The following CLTB variants were observed in gnomAD, a reference collection of about 807,000 sequenced individuals.
CLTB encodes clathrin light chain B.
Under a neutral mutation model 30.5 loss-of-function variants are expected in CLTB, and 10 were observed. The observed-to-expected ratio is 0.33, with a 90% CI of 0.20 to 0.56. CLTB has a LOEUF of 0.56. Among genes scored for constraint, CLTB ranks in the 20% least tolerant of loss-of-function variants. The probability of loss-of-function intolerance (pLI) is 0.91; values close to 1 mark genes in which losing one functional copy is unlikely to be tolerated. For synonymous variants in CLTB, 102 were observed against 120.3 expected (o/e 0.85, Z 1.00); for missense variants, 261 against 308.3 (o/e 0.85, Z 1.15).
At chr5:176,395,654 G>C (rs1416383910) in intron 5 of CLTB, among the ~76,000 whole-genome samples, 1 of 152,156 alleles carries the variant, frequency 6.6e-6, no homozygotes, top group East Asian at 1.9e-4. Flanking sequence ...CCCTGGTCTT[G>C]ATTACTCATC....
intron 2 of CLTB, among the ~76,000 whole-genome samples, chr5:176,404,691 G>A (rs558490177): frequency 3.3e-5 from 5 of 152,342 alleles, no homozygotes; most frequent in African/African-American, 9.6e-5. Context: ...GCCCACTGAT[G>A]CACTCTAGTG....
chr5:176,400,706 T>A (rs1043200829), intron 2 of CLTB, among the ~76,000 whole-genome samples: 4 of 152,042 alleles, frequency 2.6e-5, no homozygotes, highest in African/African-American at 9.7e-5. Flanking sequence ...CTCCCCTCCC[T>A]CCTCCTTCAA....
At chr5:176,399,589 G>T (rs561487908) in intron 2 of CLTB, among the ~76,000 whole-genome samples, 3 of 151,748 alleles carry the variant, frequency 2.0e-5, no homozygotes, top group Non-Finnish European at 4.4e-5. Context: ...TTTCAAAAAA[G>T]TTTTTTTAAT....
At chr5:176,405,743 G>A (rs1757081821) in intron 2 of CLTB, 1 of 152,050 alleles carries the variant, frequency 6.6e-6, no homozygotes, top group Admixed American at 6.6e-5. Flanking sequence ...AGAGGGGCTG[G>A]GCTTTACATC....
At chr5:176,411,987 T>C (rs369789381) in intron 1 of CLTB, among the ~76,000 whole-genome samples, 3 of 151,980 alleles carry the variant, frequency 2.0e-5, no homozygotes, top group Middle Eastern at 3.4e-3. Flanking sequence ...CCATCCTGGC[T>C]AACACGGTGA....
chr5:176,405,360 C>G (rs964751153), intron 2 of CLTB, among the ~76,000 whole-genome samples: 2 of 151,602 alleles, frequency 1.3e-5, no homozygotes, highest in African/African-American at 2.4e-5. Flanking sequence ...CATGGTGGCC[C>G]TCCCTGTAGT....
At chr5:176,406,807 G>A (rs1757145410) in intron 2 of CLTB, 1 of 941,230 alleles carries the variant, frequency 1.1e-6, no homozygotes, top group Non-Finnish European at 1.4e-6. Flanking sequence ...CCCTGCAGGT[G>A]CAGGCCAGAC....
chr5:176,395,484 T>G (rs1276605908), intron 5 of CLTB, among the ~76,000 whole-genome samples: 1 of 152,142 alleles, frequency 6.6e-6, no homozygotes, highest in Admixed American at 6.5e-5. Flanking sequence ...CTGTGCCCTG[T>G]GAGAGGAGGC....
At position 176,404,606 on chromosome 5, in the gene CLTB, G is replaced by A. The variant is rs72807219; in HGVS notation, c.234+5651C>T. The stretch of plus-strand genomic sequence containing the variant: ...CTTAAGGAAACTCAGCCCCCACGGT[G>A]TCCTGCCCCAGTCCCAAGGTGCCAA... On this transcript the variant is annotated intron_variant, in intron 2 of 5. Transcript: ENST00000310418. Among the ~76,000 whole-genome samples, 577 of 152,296 alleles carry A rather than the reference G, an allele frequency of 3.8e-3. 6 individuals carry two copies. The highest frequency in any genetic ancestry group is 5.2e-3 in the Non-Finnish European group (356 of 68,020).
intron 2 of CLTB, chr5:176,406,615 T>A: frequency 7.8e-7 from 1 of 1,289,422 alleles, no homozygotes; most frequent in Middle Eastern, 2.1e-4. Flanking sequence ...TGCCCCTGGC[T>A]GTGCCAAATG....
chr5:176,396,569 G>C, intron 4 of CLTB, 37 bp from the exon 5 acceptor site: 1 of 1,525,986 alleles, frequency 6.6e-7, no homozygotes, highest in Non-Finnish European at 9.1e-7. Flanking sequence ...TTAGGTGGGG[G>C]AAGGCAGATG....
intron 2 of CLTB, chr5:176,401,660 G>T: frequency 2.2e-6 from 1 of 449,846 alleles, no homozygotes; most frequent in South Asian, 1.6e-5. Context: ...GCTGCCTCCT[G>T]CAATCGTCAC....
intron 1 of CLTB, among the ~76,000 whole-genome samples, chr5:176,414,810 A>T (rs1420464910): frequency 6.6e-6 from 1 of 152,142 alleles, no homozygotes; most frequent in Non-Finnish European, 1.5e-5. Flanking sequence ...TACATTTCTC[A>T]TATCAAGGAG....
Position 176,394,715 on chromosome 5 carries a change from C to T in CLTB, c.518+1764G>A, listed in dbSNP as rs537098452. Among the ~76,000 whole-genome samples, 179 of 151,842 alleles carry T rather than the reference C, an allele frequency of 1.2e-3. 1 individual carries two copies. The highest frequency in any genetic ancestry group is 6.8e-3 in the Middle Eastern group (2 of 294). On this transcript the variant is annotated intron_variant, in intron 5 of 5. Transcript: ENST00000310418. ...CTGTAGTCCCAGCTACTCAGGAGGC[C>T]GAGGCAGAAGAATTGCTTGAGCCCA... is the stretch of plus-strand genomic sequence containing the variant.
rs2113616894 is a variant in CLTB, at chr5:176,393,221, C to G, written c.519-276G>C. 6.6e-6 allele frequency among the ~76,000 whole-genome samples: 1 copy of G among 152,284 alleles called. No individual in the cohort carries two copies. The highest frequency in any genetic ancestry group is 3.4e-3 in the Middle Eastern group (1 of 294). On this transcript the variant is annotated intron_variant, in intron 5 of 5. Coordinates refer to ENST00000310418, the MANE Select transcript of CLTB (RefSeq NM_007097.5). The surrounding 1 kb of genome is among the most constrained non-coding windows in gnomAD (Gnocchi z 4.4). The stretch of plus-strand genomic sequence containing the variant: ...TTGTCATTCAGGTCTCAGTGCGGGC[C>G]TCACCTCCTCAGAAAGTCTTCCCAG...
At chr5:176,400,353 CTAT>C (rs781278996) in intron 2 of CLTB, among the ~76,000 whole-genome samples, 58 of 152,230 alleles carry the variant, frequency 3.8e-4, no homozygotes, top group Non-Finnish European at 7.9e-4. Flanking sequence ...AGAATTACTA[CTAT>C]TATTATTCAT....
intron 2 of CLTB, chr5:176,405,972 C>T (rs1239366262): frequency 5.2e-6 from 1 of 193,600 alleles, no homozygotes; most frequent in Non-Finnish European, 9.4e-6. Flanking sequence ...GGGCCCCACA[C>T]CTGCTGGCCC....
Position 176,393,949 on chromosome 5 carries a change from C to T in CLTB, c.519-1004G>A, listed in dbSNP as rs1756372955. On this transcript the variant is annotated intron_variant, in intron 5 of 5. Transcript: ENST00000310418. The surrounding 1 kb of genome is among the most constrained non-coding windows in gnomAD (Gnocchi z 4.4). Reference sequence around the variant, plus strand: ...CTCTCCATCTCAAGCAGGACCAGTTCTGCCGATGCCAGACATGACTGATGG... The same window carrying T: ...CTCTCCATCTCAAGCAGGACCAGTTTTGCCGATGCCAGACATGACTGATGG... Among the ~76,000 whole-genome samples the T allele has an allele frequency of 6.6e-6, 1 of 152,216 alleles. No individual in the cohort carries two copies. The highest frequency in any genetic ancestry group is 6.5e-5 in the Admixed American group (1 of 15,278).
intron 4 of CLTB, among the ~76,000 whole-genome samples, chr5:176,396,849 A>C (rs1756547417): frequency 6.6e-6 from 1 of 152,082 alleles, no homozygotes; most frequent in Non-Finnish European, 1.5e-5. Flanking sequence ...GTGTGAGTCC[A>C]CAGGTTCCTG....
Sources: allele counts gnomAD v4.1 joint callset (sites outside exome capture counted in the v4.1 genomes callset), GRCh38; gene constraint gnomAD v4.1.1; non-coding constraint Gnocchi (gnomAD v3.1); transcripts MANE v1.5; gene names NCBI Gene and HGNC (gene_info 2026-07-23, HGNC 2026-07-21).